The following ELP4 variants were observed in gnomAD, a reference collection of about 807,000 sequenced individuals.
ELP4 encodes the protein elongator complex protein 4.
ELP4 carries 51 observed loss-of-function variants against 48.9 expected under a neutral mutation model. That is an observed-to-expected ratio of 1.04 (90% confidence interval 0.83 to 1.32). The LOEUF (loss-of-function observed/expected upper bound fraction) is 1.32, where lower values mean the gene tolerates loss of function less well. ELP4 is among the 40% of genes most tolerant of loss of function. The pLI is 0.00. For missense variants in ELP4, 519 were observed against 514.6 expected (o/e 1.01, Z -0.08); for synonymous variants, 210 against 189.2 (o/e 1.11, Z -0.90).
Position 31,689,690 on chromosome 11 carries a change from T to C in ELP4, c.1143+39469T>C, listed in dbSNP as rs146696143. 6.0e-4 allele frequency among the ~76,000 whole-genome samples: 92 copies of C among 152,210 alleles called. 1 individual carries two copies. The highest frequency in any genetic ancestry group is 2.0e-3 in the African/African-American group (82 of 41,526). ...CTATGTACTGTATGAAGTAGTATGG[T>C]ATAGTGATTTAGAATGAGGCTCTGT... On this transcript the variant is annotated intron_variant, in intron 9 of 9. Coordinates refer to ENST00000640961, the MANE Select transcript of ELP4 (RefSeq NM_019040.5).
intron 9 of ELP4, among the ~76,000 whole-genome samples, chr11:31,741,483 G>T (rs1341175546): frequency 3.3e-5 from 5 of 152,156 alleles, no homozygotes; most frequent in African/African-American, 7.2e-5. Context: ...TAGCCTAACT[G>T]GGAGACACCC....
intron 3 of ELP4, among the ~76,000 whole-genome samples, chr11:31,591,464 A>G (rs1424826000): frequency 6.6e-6 from 1 of 151,738 alleles, no homozygotes; most frequent in Non-Finnish European, 1.5e-5. Flanking sequence ...ATATTTCTAA[A>G]GAAGAAATAC....
At chr11:31,558,864 A>G (rs1254730054) in intron 3 of ELP4, among the ~76,000 whole-genome samples, 1 of 152,178 alleles carries the variant, frequency 6.6e-6, no homozygotes, top group East Asian at 1.9e-4. Context: ...GCACTTTGTC[A>G]TCATTGAAAA....
chr11:31,684,719 A>G (rs534314009), intron 9 of ELP4, among the ~76,000 whole-genome samples: 3 of 152,294 alleles, frequency 2.0e-5, no homozygotes, highest in South Asian at 4.1e-4. Context: ...ACTCAGTCAA[A>G]ACTGGTATCC....
intron 1 of ELP4, chr11:31,511,665 C>T (rs982356625): frequency 6.6e-6 from 1 of 152,098 alleles, no homozygotes; most frequent in Non-Finnish European, 1.5e-5. Context: ...ACTAGGCTAC[C>T]GCTGTCTGAA....
At chr11:31,519,978 C>G in intron 1 of ELP4, 78 bp from the exon 2 acceptor site, 1 of 1,424,560 alleles carries the variant, frequency 7.0e-7, no homozygotes. Context: ...AGTGCCTTTC[C>G]TTCATAAAGC....
At chr11:31,776,176 G>C (rs1484199496) in intron 9 of ELP4, among the ~76,000 whole-genome samples, 1 of 116,820 alleles carries the variant, frequency 8.6e-6, no homozygotes, top group Non-Finnish European at 1.9e-5. Flanking sequence ...AAAAAAAAAA[G>C]AGTATGGGAT....
At chr11:31,701,887 A>G (rs1726868587) in intron 9 of ELP4, among the ~76,000 whole-genome samples, 1 of 152,150 alleles carries the variant, frequency 6.6e-6, no homozygotes, top group African/African-American at 2.4e-5. Context: ...CTGATAGTAT[A>G]CCTTTATTTC....
At chr11:31,683,211 A>G (rs1414190655) in intron 9 of ELP4, among the ~76,000 whole-genome samples, 5 of 152,086 alleles carry the variant, frequency 3.3e-5, no homozygotes, top group South Asian at 2.1e-4. Context: ...GTTTCTTTCT[A>G]TGGCATATCT....
At chr11:31,712,283 CTGTTT>C (rs1946757325) in intron 9 of ELP4, among the ~76,000 whole-genome samples, 3 of 151,994 alleles carry the variant, frequency 2.0e-5, no homozygotes, top group Non-Finnish European at 1.5e-5. Flanking sequence ...TGATAATACT[CTGTTT>C]TAAGCATATG....
intron 3 of ELP4, among the ~76,000 whole-genome samples, chr11:31,549,034 T>C (rs1222021275): frequency 6.6e-6 from 1 of 152,034 alleles, no homozygotes; most frequent in Admixed American, 6.6e-5. Context: ...ATAAAAACCC[T>C]AGAAGAAAAC....
At chr11:31,665,807 A>G (rs1945660993) in intron 9 of ELP4, among the ~76,000 whole-genome samples, 1 of 150,870 alleles carries the variant, frequency 6.6e-6, no homozygotes, top group Admixed American at 6.6e-5. Flanking sequence ...GGCATGCGCC[A>G]CCATGCCCAG....
intron 9 of ELP4, among the ~76,000 whole-genome samples, chr11:31,726,602 T>TAATTTAAGTAG (rs1947079411): frequency 6.6e-6 from 1 of 152,060 alleles, no homozygotes; most frequent in Non-Finnish European, 1.5e-5. Flanking sequence ...ATGTGGTCTC[T>TAATTTAAGTAG]ACTTAAAATT....
At chr11:31,770,520 T>G (rs1948117141) in intron 9 of ELP4, among the ~76,000 whole-genome samples, 1 of 151,682 alleles carries the variant, frequency 6.6e-6, no homozygotes, top group African/African-American at 2.4e-5. Flanking sequence ...ATGATTTTTT[T>G]TTCAGTTCTA....
intron 9 of ELP4, among the ~76,000 whole-genome samples, chr11:31,733,345 C>T (rs565469831): frequency 2.0e-5 from 3 of 151,606 alleles, no homozygotes; most frequent in African/African-American, 4.8e-5. Flanking sequence ...GGAGTGGTGG[C>T]GTACACCTGT....
chr11:31,734,449 T>A (rs2134206842), intron 9 of ELP4, among the ~76,000 whole-genome samples: 1 of 152,312 alleles, frequency 6.6e-6, no homozygotes, highest in Middle Eastern at 3.4e-3. Flanking sequence ...ACATCTTATA[T>A]GTAGAAAACC....
intron 4 of ELP4, among the ~76,000 whole-genome samples, chr11:31,595,795 G>A (rs1957660310): frequency 6.6e-6 from 1 of 152,096 alleles, no homozygotes; most frequent in South Asian, 2.1e-4. Flanking sequence ...TAGTATATGG[G>A]ATCAAACCTG....
At chr11:31,526,263 T>A (rs985562843) in intron 2 of ELP4, among the ~76,000 whole-genome samples, 1 of 152,146 alleles carries the variant, frequency 6.6e-6, no homozygotes, top group Admixed American at 6.6e-5. Flanking sequence ...TACTAAAACA[T>A]GATAACTTAT....
At chr11:31,763,764 A>T (rs1947994185) in intron 9 of ELP4, among the ~76,000 whole-genome samples, 1 of 151,438 alleles carries the variant, frequency 6.6e-6, no homozygotes, top group Non-Finnish European at 1.5e-5. Flanking sequence ...TTTTTTTTTT[A>T]AGCCTTTCTC....
Sources: allele counts gnomAD v4.1 joint callset (sites outside exome capture counted in the v4.1 genomes callset), GRCh38; gene constraint gnomAD v4.1.1; transcripts MANE v1.5; gene names NCBI Gene and HGNC (gene_info 2026-07-23, HGNC 2026-07-21).